The following ONECUT3 variants were observed in gnomAD, a reference collection of about 807,000 sequenced individuals.
ONECUT3 encodes the protein one cut homeobox 3, also known as one cut domain family member 3.
A neutral mutation model predicts 16.8 loss-of-function variants in ONECUT3; 11 were observed. The ratio of observed to expected loss-of-function variants is 0.66; its 90% CI spans 0.41 to 1.09. ONECUT3 has a LOEUF of 1.09. Among genes scored for constraint, ONECUT3 ranks in the 50% least tolerant of loss-of-function variants. The probability of loss-of-function intolerance (pLI) is 0.00; values close to 1 mark genes in which losing one functional copy is unlikely to be tolerated. For synonymous variants in ONECUT3, 344 were observed against 310.7 expected (o/e 1.11, Z -1.13); for missense variants, 637 against 629.9 (o/e 1.01, Z -0.12).
chr19:1,769,092 TG>T (rs1441647025), intron 1 of ONECUT3, among the ~76,000 whole-genome samples: 56 of 116,726 alleles, frequency 4.8e-4, no homozygotes, highest in African/African-American at 1.3e-3. Flanking sequence ...GAGGTGGAGG[TG>T]ATGGAGGAGG....
At chr19:1,760,026 G>A (rs188937068) in intron 1 of ONECUT3, among the ~76,000 whole-genome samples, 39 of 152,280 alleles carry the variant, frequency 2.6e-4, no homozygotes, top group Non-Finnish European at 5.1e-4. Flanking sequence ...CCCGCCTCCC[G>A]TGCAGAGGGG....
intron 1 of ONECUT3, among the ~76,000 whole-genome samples, chr19:1,767,563 C>G (rs1600349957): frequency 1.3e-5 from 2 of 152,212 alleles, no homozygotes; most frequent in South Asian, 4.1e-4. Context: ...CCCTTTCCCC[C>G]GCATGAGACA....
intron 1 of ONECUT3, among the ~76,000 whole-genome samples, chr19:1,774,905 A>G (rs1600363582): frequency 7.1e-6 from 1 of 140,698 alleles, no homozygotes; most frequent in Middle Eastern, 3.7e-3. Flanking sequence ...CTCCCTGTTG[A>G]CCTTGCTGTT....
In ONECUT3 at chr19:1,753,777, G is replaced by A; in HGVS notation, c.115G>A (p.Val39Met). 1 of 984,512 alleles carries A rather than the reference G, an allele frequency of 1.0e-6. No homozygotes were observed. Among genetic ancestry groups the A allele is most frequent in the Non-Finnish European group, 1.2e-6 (1 of 829,682 alleles). 61.0% of individuals were successfully genotyped at this position (984,512 alleles called of 1,614,324 possible). A position where few individuals can be genotyped will look rare whatever the true frequency, so the allele number is the denominator to read the frequency against. The change falls in exon 1 of 2, where the codon GTG becomes ATG. Residue 39 changes from valine to methionine, a missense_variant. Physicochemically the swap from Val to Met is conservative, Grantham distance 21 (BLOSUM62 1). This residue lies in a region of ONECUT3 where 419 missense variants were observed against 377.9 expected (regional missense o/e 1.11). Transcript: ENST00000382349. Reference sequence around the variant, plus strand: ...GGCGGCGGCGCAGCACCGCGGCCTGGTGGCGCCCGGGCGCCCGGGCCTGGT... The same window carrying A: ...GGCGGCGGCGCAGCACCGCGGCCTGATGGCGCCCGGGCGCCCGGGCCTGGT... ...RSAAAQHRGL[V>M]APGRPGLVAG...
chr19:1,756,926 C>A (rs1244662615), intron 1 of ONECUT3, among the ~76,000 whole-genome samples: 1 of 152,140 alleles, frequency 6.6e-6, no homozygotes, highest in Non-Finnish European at 1.5e-5. Flanking sequence ...CCGATACCCA[C>A]CACCTCCTGC....
chr19:1,772,860 A>T (rs1329621099), intron 1 of ONECUT3, among the ~76,000 whole-genome samples: 6 of 107,234 alleles, frequency 5.6e-5, no homozygotes, highest in African/African-American at 2.3e-4. Context: ...CGTCCAGCTA[A>T]TTTTTTTTTT....
chr19:1,775,784 T>C lies in ONECUT3; in HGVS notation c.*339T>C. On this transcript the variant is annotated 3_prime_UTR_variant, in exon 2 of 2. Transcript: ENST00000382349. ...AGAAAAACCAGGGCTCACTGTGTTG[T>C]CCCCTAAAGCGGGTCAAGAAGCACA... is the stretch of plus-strand genomic sequence containing the variant. The C allele has an allele frequency of 4.5e-6, 1 of 224,398 alleles. No homozygotes were observed. The highest frequency in any genetic ancestry group is 8.6e-6 in the Non-Finnish European group (1 of 116,442). The allele number at this position is 224,398 out of a possible 1,614,324, so 13.9% of individuals were successfully genotyped here.
At chr19:1,760,451 TTC>T (rs1475939318) in intron 1 of ONECUT3, among the ~76,000 whole-genome samples, 1 of 151,724 alleles carries the variant, frequency 6.6e-6, no homozygotes, top group African/African-American at 2.4e-5. Flanking sequence ...ACTTTCCACG[TTC>T]TCAGCCACTT....
chr19:1,760,630 A>T (rs1176028304), intron 1 of ONECUT3, among the ~76,000 whole-genome samples: 1 of 150,170 alleles, frequency 6.7e-6, no homozygotes, highest in African/African-American at 2.5e-5. Flanking sequence ...CTGGGAGACC[A>T]CCGGAGACTC....
rs971244738 is a variant in ONECUT3 at position 1,755,915 on chromosome 19, G to A, written c.1192+1061G>A. ...GGGTGCAGGAGGGCCCCTGGCCTAG[G>A]TGGGGGTTTCTTTCCCTGGTGGTGC... On this transcript the variant is annotated intron_variant, in intron 1 of 1. Coordinates refer to ENST00000382349, the MANE Select transcript of ONECUT3 (RefSeq NM_001080488.2). This position sits in a 1 kb window ranked among gnomAD's most constrained non-coding sequence, Gnocchi z 7.5. Among the ~76,000 whole-genome samples the A allele has an allele frequency of 6.6e-5, 10 of 152,210 alleles. No homozygotes were observed. The East Asian group carries it at 1.9e-3, about 29-fold the overall frequency.
In ONECUT3 at chr19:1,764,455, A is replaced by G. The variant is rs2067966995; in HGVS notation, c.1192+9601A>G. Among the ~76,000 whole-genome samples, 2 of 152,162 alleles carry G rather than the reference A, an allele frequency of 1.3e-5. No homozygotes were observed. The highest frequency in any genetic ancestry group is 4.8e-5 in the African/African-American group (2 of 41,440). On this transcript the variant is annotated intron_variant, in intron 1 of 1. Coordinates refer to ENST00000382349, the MANE Select transcript of ONECUT3 (RefSeq NM_001080488.2). This position sits in a 1 kb window ranked among gnomAD's most constrained non-coding sequence, Gnocchi z 5.0. ...AGCTGGAGGGAGAGGGGTGGGGACA[A>G]GAGGGAGGCTGGGCGCCTGCTGAGG...
At chr19:1,757,507 G>C (rs950353090) in intron 1 of ONECUT3, among the ~76,000 whole-genome samples, 2 of 152,208 alleles carry the variant, frequency 1.3e-5, no homozygotes, top group African/African-American at 4.8e-5. Flanking sequence ...CGTTGAGGAT[G>C]ATAAACCCGG....
intron 1 of ONECUT3, among the ~76,000 whole-genome samples, chr19:1,760,807 G>GC (rs2067942764): frequency 6.6e-6 from 1 of 152,058 alleles, no homozygotes; most frequent in African/African-American, 2.4e-5. Context: ...AGGGACGCTC[G>GC]CCCCCAACAC....
intron 1 of ONECUT3, among the ~76,000 whole-genome samples, chr19:1,763,704 G>A (rs1045001890): frequency 2.0e-5 from 3 of 151,008 alleles, no homozygotes; most frequent in South Asian, 2.1e-4. Flanking sequence ...TGCGCTCCAG[G>A]GATAAATTCT....
chr19:1,760,567 G>A (rs1468938843), intron 1 of ONECUT3, among the ~76,000 whole-genome samples: 1 of 151,934 alleles, frequency 6.6e-6, no homozygotes, highest in Non-Finnish European at 1.5e-5. Flanking sequence ...GCTTCCCCCT[G>A]TGCCCCAGCT....
chr19:1,756,449 G>C (rs1289760857), intron 1 of ONECUT3, among the ~76,000 whole-genome samples: 1 of 152,176 alleles, frequency 6.6e-6, no homozygotes, highest in Non-Finnish European at 1.5e-5. Context: ...GCTCACCATA[G>C]ACCGGCGGTC....
At chr19:1,774,431 AAAAG>A (rs2068085923) in intron 1 of ONECUT3, among the ~76,000 whole-genome samples, 2 of 151,486 alleles carry the variant, frequency 1.3e-5, no homozygotes, top group East Asian at 1.9e-4. Context: ...AAAAAAAAAG[AAAAG>A]AAAGAAAGGA....
rs1267130614 is a variant in ONECUT3, at chr19:1,759,410, G to A, written c.1192+4556G>A. Among the ~76,000 whole-genome samples the A allele has an allele frequency of 6.6e-6, 1 of 151,456 alleles. No individual in the cohort carries two copies. The highest frequency in any genetic ancestry group is 1.5e-5 in the Non-Finnish European group (1 of 67,860). ...TCTGGGAGTCCCCCTTAAAGGGACAGGTGTCCACCCCCCACAAGCACTCTG... is the reference window on the plus strand; with the variant it reads ...TCTGGGAGTCCCCCTTAAAGGGACAAGTGTCCACCCCCCACAAGCACTCTG... On this transcript the variant is annotated intron_variant, in intron 1 of 1. Transcript: ENST00000382349. This position sits in a 1 kb window ranked among gnomAD's most constrained non-coding sequence, Gnocchi z 4.1.
chr19:1,770,512 G>A (rs796432078), intron 1 of ONECUT3, among the ~76,000 whole-genome samples: 2 of 152,322 alleles, frequency 1.3e-5, no homozygotes, highest in African/African-American at 4.8e-5. Context: ...GCTCTTGTGA[G>A]CTTTCTGAGG....
Sources: allele counts gnomAD v4.1 joint callset (sites outside exome capture counted in the v4.1 genomes callset), GRCh38; gene constraint gnomAD v4.1.1; regional missense constraint gnomAD v4.1.1; non-coding constraint Gnocchi (gnomAD v3.1); transcripts MANE v1.5; gene names NCBI Gene and HGNC (gene_info 2026-07-23, HGNC 2026-07-21).